The following UNC45B variants were observed in gnomAD, a reference collection of about 807,000 sequenced individuals.
UNC45B encodes protein unc-45 homolog B.
In UNC45B, 78 loss-of-function variants were observed where a neutral mutation model predicts 98.7. That is an observed-to-expected ratio of 0.79 (90% CI 0.66 to 0.95). UNC45B has a LOEUF of 0.95. Ranked by LOEUF, UNC45B falls within the 40% of genes least tolerant of loss-of-function variation. The probability of loss-of-function intolerance (pLI) is 0.00; values close to 1 mark genes in which losing one functional copy is unlikely to be tolerated. For synonymous variants in UNC45B, 462 were observed against 480.4 expected (o/e 0.96, Z 0.50); for missense variants, 1,225 against 1,184.9 (o/e 1.03, Z -0.50).
At chr17:35,169,292 G>A (rs1463880952) in intron 10 of UNC45B, among the ~76,000 whole-genome samples, 1 of 152,108 alleles carries the variant, frequency 6.6e-6, no homozygotes, top group Non-Finnish European at 1.5e-5. Flanking sequence ...ACCCGCCTCG[G>A]CCTTCCAAAG....
At position 35,154,799 on chromosome 17, in the gene UNC45B, G is replaced by A. The variant is rs190137364; in HGVS notation, c.639+58G>A. 1.4e-3 allele frequency: 2,033 copies of A among 1,496,972 alleles called. 2 individuals are homozygous for A. Among genetic ancestry groups the A allele is most frequent in the Non-Finnish European group, 1.5e-3 (1,724 of 1,131,924 alleles). The allele number at this position is 1,496,972 out of a possible 1,614,324, so 92.7% of individuals were successfully genotyped here. ...ACGACTGCTGGTCCAAGGATCCGGA[G>A]GGTGACGTGTGGTCAGGGCTGTGGC... On this transcript the variant is annotated intron_variant, in intron 6 of 19. Transcript: ENST00000394570.
intron 9 of UNC45B, chr17:35,164,517 C>T (rs1413630636): frequency 2.9e-5 from 5 of 169,536 alleles, no homozygotes; most frequent in East Asian, 1.6e-4. Flanking sequence ...CACTGCATGC[C>T]GCTGGCATGC....
chr17:35,183,655 A>T, intron 19 of UNC45B, 73 bp downstream of exon 19: 1 of 1,391,278 alleles, frequency 7.2e-7, no homozygotes, highest in Non-Finnish European at 9.4e-7. Flanking sequence ...ACCACACTGG[A>T]TGATCCTCTG....
chr17:35,188,900 C>T lies in UNC45B; in HGVS notation c.*2341C>T, dbSNP rs1314177934. 1.3e-5 allele frequency: 2 copies of T among 151,890 alleles called. No homozygotes were observed. Among genetic ancestry groups the T allele is most frequent in the African/African-American group, 4.8e-5 (2 of 41,326 alleles). 9.4% of individuals were successfully genotyped at this position (151,890 alleles called of 1,614,324 possible). A position where few individuals can be genotyped will look rare whatever the true frequency, so the allele number is the denominator to read the frequency against. On this transcript the variant is annotated 3_prime_UTR_variant, in exon 20 of 20. Coordinates refer to ENST00000394570, the MANE Select transcript of UNC45B (RefSeq NM_001267052.2). ...GTAGTTGGCTTTTCCAGCCTAGACT[C>T]TTATATTGTTGCTTGTAAGAGGGCC...
Position 35,154,554 on chromosome 17 carries a change from A to G in UNC45B, c.472-20A>G, listed in dbSNP as rs747957896. On this transcript the variant is annotated intron_variant, in intron 5 of 19. Coordinates refer to ENST00000394570, the MANE Select transcript of UNC45B (RefSeq NM_001267052.2). ...TGGCCGTACCTCCCTCGTAACCCTT[A>G]TTGCCTCTTCCTCCTTCAGGCTGCC... The G allele has an allele frequency of 2.5e-6, 4 of 1,609,992 alleles. No individual in the cohort carries two copies. The highest frequency in any genetic ancestry group is 3.4e-6 in the Non-Finnish European group (4 of 1,178,484).
intron 7 of UNC45B, among the ~76,000 whole-genome samples, chr17:35,158,720 A>T (rs887629780): frequency 6.6e-6 from 1 of 152,232 alleles, no homozygotes; most frequent in African/African-American, 2.4e-5. Flanking sequence ...ACGAACTGTC[A>T]CATCTGCTTA....
In UNC45B at chr17:35,180,253, T is replaced by TGAGAGAGAGAGAGAGAGAGA. The variant is rs56300196; in HGVS notation, c.2256-289_2256-270dup. Among the ~76,000 whole-genome samples the TGAGAGAGAGAGAGAGAGAGA allele has an allele frequency of 9.3e-4, 130 of 139,948 alleles. 2 individuals carry two copies. In the East Asian group the frequency reaches 0.013, roughly 14 times the overall value. 91.8% of individuals were successfully genotyped at this position (139,948 alleles called of 152,430 possible). A position where few individuals can be genotyped will look rare whatever the true frequency, so the allele number is the denominator to read the frequency against. ...CATCTTCTTGGATCTACATCCAGGA[T>TGAGAGAGAGAGAGAGAGAGA]GAGAGAGAGAGAGAGAGAGAGAGAG... is the stretch of plus-strand genomic sequence containing the variant. On this transcript the variant is annotated intron_variant, in intron 17 of 19. Coordinates refer to ENST00000394570, the MANE Select transcript of UNC45B (RefSeq NM_001267052.2).
At chr17:35,157,040 G>A (rs1308173877) in intron 7 of UNC45B, among the ~76,000 whole-genome samples, 3 of 152,044 alleles carry the variant, frequency 2.0e-5, no homozygotes, top group African/African-American at 7.2e-5. Context: ...TGCTCTGGCT[G>A]GGAGGGCCAA....
At chr17:35,169,741 G>A in intron 10 of UNC45B, 96 bp from the exon 11 acceptor site, 1 of 1,050,188 alleles carries the variant, frequency 9.5e-7, no homozygotes, top group Non-Finnish European at 1.5e-6. Context: ...GAGGGGCGAA[G>A]TGTTCTGGCC....
Position 35,157,282 on chromosome 17 carries a change from C to T in UNC45B, c.808+1818C>T, listed in dbSNP as rs147791610. 5.2e-3 allele frequency among the ~76,000 whole-genome samples: 786 copies of T among 151,962 alleles called. 8 individuals are homozygous for T. Among genetic ancestry groups the T allele is most frequent in the African/African-American group, 0.018 (743 of 41,440 alleles). On this transcript the variant is annotated intron_variant, in intron 7 of 19. Transcript: ENST00000394570. ...TGAGATGGAGTCTTGCTCTGTTGCCCAGGCTGGAGTGCGGTGGCACGATCT... is the reference window on the plus strand; with the variant it reads ...TGAGATGGAGTCTTGCTCTGTTGCCTAGGCTGGAGTGCGGTGGCACGATCT...
At chr17:35,163,963 G>T in intron 8 of UNC45B, 32 bp from the exon 9 acceptor site, 1 of 1,574,374 alleles carries the variant, frequency 6.4e-7, no homozygotes, top group Non-Finnish European at 8.6e-7. Context: ...AGCCCAGCAG[G>T]AATCTTAGGC....
At chr17:35,174,909 AAAG>A (rs1246496687) in intron 14 of UNC45B, among the ~76,000 whole-genome samples, 8 of 150,506 alleles carry the variant, frequency 5.3e-5, no homozygotes, top group African/African-American at 7.3e-5. Context: ...AGGGAAGGGA[AAAG>A]AAGAAGGGAG....
At position 35,159,558 on chromosome 17, in the gene UNC45B, G is replaced by A. The variant is rs1183474209; in HGVS notation, c.979+13G>A. On this transcript the variant is annotated intron_variant, in intron 8 of 19. Coordinates refer to ENST00000394570, the MANE Select transcript of UNC45B (RefSeq NM_001267052.2). ...GTGGTGGATAATGGTGAGAAGAGGG[G>A]AAGGTTTGGGGCTTGCTCAAGCCTT... The A allele has an allele frequency of 6.2e-7, 1 of 1,610,736 alleles. No homozygotes were observed. Among genetic ancestry groups the A allele is most frequent in the South Asian group, 1.1e-5 (1 of 90,794 alleles).
chr17:35,180,464 A>G (rs551038109), intron 17 of UNC45B, 95 bp from the exon 18 acceptor site: 1 of 916,826 alleles, frequency 1.1e-6, no homozygotes, highest in African/African-American at 1.6e-5. Flanking sequence ...GAAGGACAGC[A>G]CCAGAATGGA....
At chr17:35,148,040 G>A (rs1038272957) in intron 1 of UNC45B, 130 bp downstream of exon 1, 9 of 558,102 alleles carry the variant, frequency 1.6e-5, no homozygotes, top group African/African-American at 7.5e-5. Context: ...GGGACAGAGA[G>A]TGAGGCACAG....
In UNC45B at chr17:35,170,069, C is replaced by T. The variant is rs779812309; in HGVS notation, c.1548-45C>T. 5 of 1,601,158 alleles carry T rather than the reference C, an allele frequency of 3.1e-6. No individual in the cohort carries two copies. The South Asian group carries it at 5.6e-5, about 18-fold the overall frequency. ...CCTGAAATCGCTTCACCCTCTTGAC[C>T]TAGCCCTGGGCCCCTTCCCATGTGT... On this transcript the variant is annotated intron_variant, in intron 11 of 19. Coordinates refer to ENST00000394570, the MANE Select transcript of UNC45B (RefSeq NM_001267052.2).
chr17:35,169,504 G>T (rs1012638106), intron 10 of UNC45B, among the ~76,000 whole-genome samples: 2 of 152,154 alleles, frequency 1.3e-5, no homozygotes, highest in Admixed American at 6.5e-5. Flanking sequence ...CCGTAACAAG[G>T]TTCCCCATTG....
At chr17:35,169,792 G>A (rs1216410886) in intron 10 of UNC45B, 45 bp from the exon 11 acceptor site, 20 of 1,562,470 alleles carry the variant, frequency 1.3e-5, no homozygotes, top group Non-Finnish European at 1.7e-5. Context: ...CCAAGCCTTG[G>A]TGTCTCTGAT....
intron 11 of UNC45B, 51 bp downstream of exon 11, chr17:35,169,982 G>T: frequency 6.2e-7 from 1 of 1,612,714 alleles, no homozygotes; most frequent in Non-Finnish European, 8.5e-7. Flanking sequence ...CGCCTTCCGG[G>T]CAAGAGTCTC....
Sources: allele counts gnomAD v4.1 joint callset (sites outside exome capture counted in the v4.1 genomes callset), GRCh38; gene constraint gnomAD v4.1.1; transcripts MANE v1.5; gene names NCBI Gene and HGNC (gene_info 2026-07-23, HGNC 2026-07-21).